The following ADAMTSL1 variants were observed in gnomAD, a reference collection of about 807,000 sequenced individuals.
ADAMTSL1 encodes the protein ADAMTS like 1.
A neutral mutation model predicts 201.8 loss-of-function variants in ADAMTSL1; 126 were observed. The observed-to-expected ratio is 0.62, with a 90% CI of 0.54 to 0.72. The LOEUF is 0.72. Ranked by LOEUF, ADAMTSL1 falls within the 30% of genes least tolerant of loss-of-function variation. The probability of loss-of-function intolerance (pLI) is 0.00; values close to 1 mark genes in which losing one functional copy is unlikely to be tolerated. For synonymous variants in ADAMTSL1, 1,121 were observed against 903.4 expected, an observed-to-expected ratio of 1.24 and a Z score of -4.32; for missense variants, 2,679 against 2,277.8, an observed-to-expected ratio of 1.18 and a Z score of -3.59.
chr9:18,389,143 A>C (rs548625762), intron 2 of ADAMTSL1, among the ~76,000 whole-genome samples: 2 of 151,038 alleles, frequency 1.3e-5, no homozygotes, highest in African/African-American at 2.5e-5. Flanking sequence ...TGATATAGAG[A>C]TCTCAGATTT....
At chr9:18,275,308 A>G (rs1832543335) in intron 2 of ADAMTSL1, among the ~76,000 whole-genome samples, 1 of 152,174 alleles carries the variant, frequency 6.6e-6, no homozygotes, top group African/African-American at 2.4e-5. Flanking sequence ...TCTTCACAGC[A>G]CTTCTGCATA....
chr9:18,612,157 A>C (rs1825418732), intron 4 of ADAMTSL1, among the ~76,000 whole-genome samples: 1 of 152,222 alleles, frequency 6.6e-6, no homozygotes, highest in South Asian at 2.1e-4. Flanking sequence ...ATGAGCATTT[A>C]TGCCCCAAGG....
At chr9:18,857,516 A>T (rs1474057224) in intron 23 of ADAMTSL1, among the ~76,000 whole-genome samples, 1 of 152,234 alleles carries the variant, frequency 6.6e-6, no homozygotes, top group African/African-American at 2.4e-5. Context: ...GACTTTGGCA[A>T]GAACATCACA....
At chr9:18,104,559 G>A (rs1238464322) in intron 1 of ADAMTSL1, among the ~76,000 whole-genome samples, 1 of 152,124 alleles carries the variant, frequency 6.6e-6, no homozygotes, top group East Asian at 1.9e-4. Flanking sequence ...GACATAGAGA[G>A]TGGAAAAATA....
intron 1 of ADAMTSL1, among the ~76,000 whole-genome samples, chr9:18,490,041 G>C (rs893128806): frequency 6.6e-6 from 1 of 152,210 alleles, no homozygotes; most frequent in Non-Finnish European, 1.5e-5. Flanking sequence ...GTCTCCAGCT[G>C]TCTGGAGTCT....
chr9:18,894,439 T>G (rs569712462), intron 26 of ADAMTSL1, among the ~76,000 whole-genome samples: 1 of 142,886 alleles, frequency 7.0e-6, no homozygotes, highest in Non-Finnish European at 1.5e-5. Context: ...CTAATCTAGG[T>G]GAGCAATTAT....
At chr9:18,821,428 C>T (rs6475253) in intron 21 of ADAMTSL1, among the ~76,000 whole-genome samples, 129,562 of 152,022 alleles carry the variant, frequency 0.85, 55,292 homozygotes, top group African/African-American at 0.89. Context: ...AAACAGAATA[C>T]GGAGGATGGT....
chr9:18,509,595 T>G (rs1225958488), intron 2 of ADAMTSL1, among the ~76,000 whole-genome samples: 1 of 152,240 alleles, frequency 6.6e-6, no homozygotes, highest in African/African-American at 2.4e-5. Flanking sequence ...AACCCAATTC[T>G]GCTCCACAAG....
intron 7 of ADAMTSL1, among the ~76,000 whole-genome samples, chr9:18,642,811 A>C (rs1827535816): frequency 6.6e-6 from 1 of 151,774 alleles, no homozygotes; most frequent in Non-Finnish European, 1.5e-5. Context: ...TACATATTAC[A>C]TTTTGTTTAT....
At chr9:18,581,923 G>C (rs959230968) in intron 4 of ADAMTSL1, among the ~76,000 whole-genome samples, 1 of 152,190 alleles carries the variant, frequency 6.6e-6, no homozygotes, top group Non-Finnish European at 1.5e-5. Context: ...TCAGACCTAA[G>C]AGTCATTCTT....
chr9:18,046,995 T>G (rs1025459518), intron 1 of ADAMTSL1, among the ~76,000 whole-genome samples: 1 of 152,096 alleles, frequency 6.6e-6, no homozygotes, highest in African/African-American at 2.4e-5. Context: ...GGAGTTCAGA[T>G]GCATTGTAAT....
intron 4 of ADAMTSL1, among the ~76,000 whole-genome samples, chr9:18,593,963 T>C (rs1203848072): frequency 6.6e-6 from 1 of 152,180 alleles, no homozygotes; most frequent in Non-Finnish European, 1.5e-5. Context: ...TGTTTCTTTG[T>C]AGATTTTCTT....
At chr9:17,928,051 T>C (rs760640940) in intron 1 of ADAMTSL1, among the ~76,000 whole-genome samples, 2 of 151,182 alleles carry the variant, frequency 1.3e-5, no homozygotes, top group African/African-American at 4.9e-5. Flanking sequence ...CTGGAGTGCA[T>C]TGGTACTATC....
intron 1 of ADAMTSL1, among the ~76,000 whole-genome samples, chr9:18,017,915 T>A (rs1001145464): frequency 3.3e-5 from 5 of 152,196 alleles, no homozygotes; most frequent in African/African-American, 1.2e-4. Flanking sequence ...TCAATGCACA[T>A]GTAATGTCAG....
At chr9:17,923,400 G>A (rs1826387296) in intron 1 of ADAMTSL1, among the ~76,000 whole-genome samples, 1 of 142,696 alleles carries the variant, frequency 7.0e-6, no homozygotes. Context: ...TCTCTTTGAA[G>A]CAATTGTGAA....
intron 1 of ADAMTSL1, among the ~76,000 whole-genome samples, chr9:17,907,288 G>GC (rs1367142054): frequency 6.6e-6 from 1 of 152,186 alleles, no homozygotes; most frequent in Non-Finnish European, 1.5e-5. Context: ...CCTTCGCGGA[G>GC]CCCCCTCTCT....
At position 18,027,464 on chromosome 9, in the gene ADAMTSL1, T is replaced by C. The variant is rs181266628; in HGVS notation, c.87+120542T>C. Reference sequence around the variant, plus strand: ...TTTTTTTATTTCTGCCTTAACTTCATTGTTTACCCAAAAGTAATTCAGGAT... The same window carrying C: ...TTTTTTTATTTCTGCCTTAACTTCACTGTTTACCCAAAAGTAATTCAGGAT... On this transcript the variant is annotated intron_variant, in intron 1 of 29. Coordinates refer to the ADAMTSL1 transcript ENST00000680146. 4.6e-5 allele frequency among the ~76,000 whole-genome samples: 7 copies of C among 152,140 alleles called. No homozygotes were observed. The East Asian group carries it at 1.2e-3, about 25-fold the overall frequency.
intron 2 of ADAMTSL1, among the ~76,000 whole-genome samples, chr9:18,207,107 G>C (rs1394854359): frequency 1.3e-5 from 2 of 152,094 alleles, no homozygotes; most frequent in Non-Finnish European, 2.9e-5. Flanking sequence ...AGAGATTGCA[G>C]TGAGCTGAGA....
At chr9:18,689,519 T>A (rs1039430712) in intron 13 of ADAMTSL1, among the ~76,000 whole-genome samples, 1 of 151,818 alleles carries the variant, frequency 6.6e-6, no homozygotes, top group African/African-American at 2.4e-5. Flanking sequence ...CTCATATTTT[T>A]TAAAAAAAAG....
Sources: gnomAD v4.1 joint callset for allele counts (sites outside exome capture counted in the v4.1 genomes callset) on GRCh38, gnomAD v4.1.1 for gene constraint, MANE v1.5 for transcripts, NCBI Gene and HGNC (gene_info 2026-07-23, HGNC 2026-07-21) for gene names.